The following TRPV3 variants were observed in gnomAD, a reference collection of about 807,000 sequenced individuals.
TRPV3 encodes transient receptor potential cation channel subfamily V member 3.
Under a neutral mutation model 87.1 loss-of-function variants are expected in TRPV3, and 88 were observed. That is an observed-to-expected ratio of 1.01 (90% CI 0.85 to 1.21). The LOEUF (loss-of-function observed/expected upper bound fraction) is 1.21. Among genes scored for constraint, TRPV3 ranks in the 50% most tolerant of loss-of-function variants. The pLI is 0.00. For synonymous variants in TRPV3, 438 were observed against 423.3 expected, an observed-to-expected ratio of 1.03 and a Z score of -0.43; for missense variants, 1,054 against 1,030.1, an observed-to-expected ratio of 1.02 and a Z score of -0.32.
rs1054581348 is a variant in TRPV3 at position 3,530,088 on chromosome 17, T to G, written c.1181A>C (p.Asn394Thr). ...TGAGTTGTCCGTGGTGGTGTCCACGTTGGTGAGGTCGTAGAGGGAGGATGA... is the reference window on the plus strand; with the variant it reads ...TGAGTTGTCCGTGGTGGTGTCCACGGTGGTGAGGTCGTAGAGGGAGGATGA... The part of the protein sequence containing the change: ...PVSSSLYDLT[N>T]VDTTTDNSVL... Residue 394 changes from asparagine to threonine, a missense_variant, in exon 9 of 18, where the codon AAC (asparagine) becomes ACC (threonine). Transcript: ENST00000576742. The surrounding 1 kb of genome is among the most constrained non-coding windows in gnomAD (Gnocchi z 4.0). The G allele has an allele frequency of 3.8e-5, 62 of 1,613,928 alleles. No individual in the cohort carries two copies. In the East Asian group the frequency reaches 1.4e-3, roughly 35 times the overall value.
intron 13 of TRPV3, among the ~76,000 whole-genome samples, chr17:3,523,410 C>G (rs1186712330): frequency 6.6e-6 from 1 of 152,102 alleles, no homozygotes; most frequent in Admixed American, 6.6e-5. Flanking sequence ...ACAACAAAAA[C>G]TAGAATTCAA....
chr17:3,554,970 T>A, intron 1 of TRPV3, 118 bp from the exon 2 acceptor site: 1 of 620,378 alleles, frequency 1.6e-6, no homozygotes. Flanking sequence ...AACTGGAAGC[T>A]CACTCCTCCC....
intron 16 of TRPV3, among the ~76,000 whole-genome samples, chr17:3,514,906 C>T (rs1403637478): frequency 1.3e-5 from 2 of 152,096 alleles, no homozygotes; most frequent in Non-Finnish European, 2.9e-5. Context: ...GTAGGGAACT[C>T]GGAAATCCTG....
chr17:3,516,720 A>G (rs992725391), intron 15 of TRPV3, 151 bp from the exon 16 acceptor site: 30 of 651,178 alleles, frequency 4.6e-5, no homozygotes, highest in Admixed American at 1.2e-4. Flanking sequence ...TCAAAGACAA[A>G]AAAGCAGGCC....
intron 11 of TRPV3, among the ~76,000 whole-genome samples, chr17:3,527,446 G>A (rs2074309701): frequency 6.6e-6 from 1 of 152,144 alleles, no homozygotes. Context: ...CTATCATAAA[G>A]TCTTGATATT....
At chr17:3,545,139 A>C in intron 3 of TRPV3, 28 bp downstream of exon 3, 2 of 1,555,348 alleles carry the variant, frequency 1.3e-6, no homozygotes, top group South Asian at 2.3e-5. Context: ...GGCCCAGGGC[A>C]AGGGGTTGGG....
At chr17:3,527,413 C>T (rs947242468) in intron 11 of TRPV3, among the ~76,000 whole-genome samples, 2 of 152,206 alleles carry the variant, frequency 1.3e-5, no homozygotes, top group African/African-American at 4.8e-5. Context: ...CTGATCTGAA[C>T]CCAGCTTAGG....
In TRPV3 at chr17:3,514,608, G is replaced by A. The variant is rs1163990637; in HGVS notation, c.2263C>T (p.Pro755Ser). 6.2e-7 allele frequency: 1 copy of A among 1,613,670 alleles called. No homozygotes were observed. The highest frequency in any genetic ancestry group is 2.2e-5 in the East Asian group (1 of 44,872). Reference sequence around the variant, plus strand: ...GCGACAGTACCTGTTCGTCTTACAGGCCCCGGGTCTTCGTTAAGGAAGGAG... The same window carrying A: ...GCGACAGTACCTGTTCGTCTTACAGACCCCGGGTCTTCGTTAAGGAAGGAG... ...HVSFLNEDPG[P>S]VRRTDFNKIQ... Residue 755 changes from proline (P) to serine (S), a missense_variant, in exon 17 of 18, where the codon CCT becomes TCT. Pro to Ser is a moderately conservative substitution (Grantham distance 74). Transcript: ENST00000576742.
Position 3,533,928 on chromosome 17 carries a change from T to C in TRPV3, c.785-991A>G, listed in dbSNP as rs142206195. Among the ~76,000 whole-genome samples the C allele has an allele frequency of 6.6e-3, 1,000 of 152,338 alleles. 15 individuals carry two copies. The highest frequency in any genetic ancestry group is 0.022 in the African/African-American group (918 of 41,576). ...CATGAGGGCAAGGATCTCTATTTTG[T>C]TCACTGATACATTTCAAGTACCTAG... On this transcript the variant is annotated intron_variant, in intron 7 of 17. Transcript: ENST00000576742.
intron 14 of TRPV3, among the ~76,000 whole-genome samples, chr17:3,519,085 G>A (rs1014514486): frequency 2.0e-5 from 3 of 152,048 alleles, no homozygotes; most frequent in East Asian, 1.9e-4. Context: ...CCTTTACCCC[G>A]CAGTCTGCCC....
At chr17:3,524,129 T>C (rs2074272184) in intron 13 of TRPV3, 69 bp downstream of exon 13, 1 of 1,579,916 alleles carries the variant, frequency 6.3e-7, no homozygotes, top group South Asian at 1.2e-5. Context: ...CCTCTCCAGA[T>C]CTCAGTTTCC....
chr17:3,536,065 C>T (rs1208983907), intron 6 of TRPV3, among the ~76,000 whole-genome samples: 2 of 152,206 alleles, frequency 1.3e-5, no homozygotes, highest in Non-Finnish European at 2.9e-5. Flanking sequence ...AAGGGCCCTT[C>T]ACAGCCAGAG....
chr17:3,542,741 T>C (rs746286692), intron 5 of TRPV3, 43 bp from the exon 6 acceptor site: 4 of 1,592,532 alleles, frequency 2.5e-6, no homozygotes, highest in Non-Finnish European at 3.4e-6. Context: ...GGGCCCCGGC[T>C]GCCCTTGGCC....
chr17:3,536,081 C>A (rs2074406601), intron 6 of TRPV3, among the ~76,000 whole-genome samples: 1 of 152,198 alleles, frequency 6.6e-6, no homozygotes, highest in African/African-American at 2.4e-5. Context: ...CAGAGAGCGT[C>A]AGGGGGCTTC....
rs886052840 is a variant in TRPV3 at position 3,511,246 on chromosome 17, G to A, written c.*2671C>T. The A allele has an allele frequency of 6.6e-6, 1 of 152,124 alleles. No homozygotes were observed. The highest frequency in any genetic ancestry group is 1.5e-5 in the Non-Finnish European group (1 of 68,034). 9.4% of individuals were successfully genotyped at this position (152,124 alleles called of 1,614,324 possible). A position where few individuals can be genotyped will look rare whatever the true frequency, so the allele number is the denominator to read the frequency against. On this transcript the variant is annotated 3_prime_UTR_variant, in exon 18 of 18. Coordinates refer to ENST00000576742, the MANE Select transcript of TRPV3 (RefSeq NM_145068.4). ...TTTCAACTAGTCATAGGGAACATAG[G>A]GGACAATGTTGACTGCCAAATGAGA...
chr17:3,528,218 T>C lies in TRPV3; in HGVS notation c.1402-92A>G. The C allele has an allele frequency of 1.1e-6, 1 of 918,592 alleles. No individual in the cohort carries two copies. 56.9% of individuals were successfully genotyped at this position (918,592 alleles called of 1,614,324 possible). A position where few individuals can be genotyped will look rare whatever the true frequency, so the allele number is the denominator to read the frequency against. ...AGGGACCAAAACCCAGGTGAAACAC[T>C]CAAGCCGGGCCAGAGACCAGCATGA... is the stretch of plus-strand genomic sequence containing the variant. On this transcript the variant is annotated intron_variant, in intron 10 of 17. Transcript: ENST00000576742. This position sits in a 1 kb window ranked among gnomAD's most constrained non-coding sequence, Gnocchi z 4.2.
rs1346980384 is a variant in TRPV3 at position 3,557,581 on chromosome 17, A to G, written c.-3+95T>C. 1 of 152,272 alleles carries G rather than the reference A, an allele frequency of 6.6e-6. No individual in the cohort carries two copies. Among genetic ancestry groups the G allele is most frequent in the African/African-American group, 2.4e-5 (1 of 41,456 alleles). 9.4% of individuals were successfully genotyped at this position (152,272 alleles called of 1,614,324 possible). A position where few individuals can be genotyped will look rare whatever the true frequency, so the allele number is the denominator to read the frequency against. ...CCCTCCTCCCAAGGCCTATTGGCCAAGGGCAGACATGGCCCAGAGGACCTC... is the reference window on the plus strand; with the variant it reads ...CCCTCCTCCCAAGGCCTATTGGCCAGGGGCAGACATGGCCCAGAGGACCTC... On this transcript the variant is annotated intron_variant, in intron 1 of 17. Coordinates refer to ENST00000576742, the MANE Select transcript of TRPV3 (RefSeq NM_145068.4). This position sits in a 1 kb window ranked among gnomAD's most constrained non-coding sequence, Gnocchi z 4.5.
rs1428853941 is a variant in TRPV3 at position 3,532,755 on chromosome 17, T to C, written c.967A>G (p.Met323Val). The C allele has an allele frequency of 1.9e-6, 3 of 1,614,162 alleles. No homozygotes were observed. The highest frequency in any genetic ancestry group is 2.5e-6 in the Non-Finnish European group (3 of 1,180,060). Residue 323 changes from methionine (M) to valine (V), a missense_variant, in exon 8 of 18, where the codon ATG becomes GTG. Met to Val is a conservative substitution (Grantham distance 21, BLOSUM62 1). Coordinates refer to ENST00000576742, the MANE Select transcript of TRPV3 (RefSeq NM_145068.4). ...CAGTTGCCACTCCGCAGTAGGATCA[T>C]GTCGTACATGCGCTTCACAAAGTCA... Reference protein sequence around the residue: ...QNDFVKRMYDMILLRSGNWEL... With the variant: ...QNDFVKRMYDVILLRSGNWEL...
At chr17:3,517,930 T>C (rs1334281534) in intron 15 of TRPV3, among the ~76,000 whole-genome samples, 1 of 151,590 alleles carries the variant, frequency 6.6e-6, no homozygotes, top group African/African-American at 2.4e-5. Flanking sequence ...GCGATCCTCC[T>C]GCCTCAGCCT....
Sources: allele counts gnomAD v4.1 joint callset (sites outside exome capture counted in the v4.1 genomes callset), GRCh38; gene constraint gnomAD v4.1.1; non-coding constraint Gnocchi (gnomAD v3.1); transcripts MANE v1.5; gene names NCBI Gene and HGNC (gene_info 2026-07-23, HGNC 2026-07-21).